The following PLAAT1 variants were observed in gnomAD, a reference collection of about 807,000 sequenced individuals.
PLAAT1 encodes the protein phospholipase A and acyltransferase 1, also known as H-REV107 protein-related protein.
Under a neutral mutation model 16.4 loss-of-function variants are expected in PLAAT1, and 13 were observed. That is an observed-to-expected ratio of 0.79 (90% CI 0.52 to 1.26). PLAAT1 has a LOEUF of 1.26. Among genes scored for constraint, PLAAT1 ranks in the 50% most tolerant of loss-of-function variants. PLAAT1 has a pLI of 0.00. For synonymous variants in PLAAT1, 73 were observed against 78.4 expected, an observed-to-expected ratio of 0.93 and a Z score of 0.36; for missense variants, 218 against 207.8, an observed-to-expected ratio of 1.05 and a Z score of -0.30.
chr3:193,254,490 C>A (rs1198738465), intron 1 of PLAAT1, among the ~76,000 whole-genome samples: 1 of 152,140 alleles, frequency 6.6e-6, no homozygotes, highest in Non-Finnish European at 1.5e-5. Context: ...TTTAAATCCT[C>A]CTTTGTTTGT....
downstream of PLAAT1, among the ~76,000 whole-genome samples, chr3:193,275,812 T>A (rs1172870119): frequency 1.3e-5 from 2 of 152,230 alleles, no homozygotes; most frequent in Non-Finnish European, 2.9e-5. Flanking sequence ...AAATTTTGCA[T>A]CCCAGTTTTA....
chr3:193,251,837 G>A (rs1388281730), intron 1 of PLAAT1, among the ~76,000 whole-genome samples: 1 of 152,118 alleles, frequency 6.6e-6, no homozygotes, highest in Non-Finnish European at 1.5e-5. Flanking sequence ...TGATCTGTGT[G>A]TAGGTGTTTC....
chr3:193,241,620 T>C (rs1715750775), intron 1 of PLAAT1, 87 bp downstream of exon 1: 1 of 968,046 alleles, frequency 1.0e-6, no homozygotes, highest in Non-Finnish European at 1.3e-6. Flanking sequence ...AAAGTTGACA[T>C]GACTAGAGAA....
chr3:193,249,546 A>T (rs1716115128), intron 1 of PLAAT1, among the ~76,000 whole-genome samples: 1 of 152,162 alleles, frequency 6.6e-6, no homozygotes, highest in Non-Finnish European at 1.5e-5. Flanking sequence ...AGGATCTATC[A>T]GTGACATTAA....
At chr3:193,243,656 G>A (rs970278524) in intron 1 of PLAAT1, among the ~76,000 whole-genome samples, 1 of 152,180 alleles carries the variant, frequency 6.6e-6, no homozygotes, top group Non-Finnish European at 1.5e-5. Context: ...CATGAACTCT[G>A]GAATAAGAAG....
downstream of PLAAT1, among the ~76,000 whole-genome samples, chr3:193,272,786 G>A (rs1434818411): frequency 1.3e-5 from 2 of 148,290 alleles, no homozygotes; most frequent in East Asian, 4.1e-4. Context: ...GGTAGTGTTT[G>A]AGGGTGTGGT....
chr3:193,253,458 T>G (rs754198922), intron 1 of PLAAT1, among the ~76,000 whole-genome samples: 4 of 152,206 alleles, frequency 2.6e-5, no homozygotes, highest in Non-Finnish European at 4.4e-5. Flanking sequence ...TCTCTTATCA[T>G]CCACCTGTCT....
chr3:193,241,453 G>T lies in PLAAT1; in HGVS notation c.-81G>T, dbSNP rs1715741366. ...CCCGCGGCCGCCGGCGGCAAGGTCG[G>T]CAGCTGCGAGGCCAAGAGAGACCCC... On this transcript the variant is annotated 5_prime_UTR_variant, in exon 1 of 4. Transcript: ENST00000264735. 1 of 1,231,878 alleles carries T rather than the reference G, an allele frequency of 8.1e-7. No homozygotes were observed. Among genetic ancestry groups the T allele is most frequent in the East Asian group, 3.2e-5 (1 of 31,702 alleles). 76.3% of individuals were successfully genotyped at this position (1,231,878 alleles called of 1,614,324 possible).
At chr3:193,275,227 T>C (rs1717136010), downstream of PLAAT1, 1 of 1,614,088 alleles carries the variant, frequency 6.2e-7, no homozygotes, top group African/African-American at 1.3e-5. Flanking sequence ...TGCCAAGTCC[T>C]ATATTGACTT....
In PLAAT1 at chr3:193,241,443, G is replaced by A. The variant is rs1308392356; in HGVS notation, c.-91G>A. 5.7e-6 allele frequency: 7 copies of A among 1,231,694 alleles called. No individual in the cohort carries two copies. The highest frequency in any genetic ancestry group is 8.4e-5 in the Admixed American group (2 of 23,700). The allele number at this position is 1,231,694 out of a possible 1,614,324, so 76.3% of individuals were successfully genotyped here. A position where few individuals can be genotyped will look rare whatever the true frequency, so the allele number is the denominator to read the frequency against. ...ATGGAGTCGTCCCGCGGCCGCCGGC[G>A]GCAAGGTCGGCAGCTGCGAGGCCAA... On this transcript the variant is annotated 5_prime_UTR_variant, in exon 1 of 4. Transcript: ENST00000264735.
intron 2 of PLAAT1, among the ~76,000 whole-genome samples, chr3:193,257,682 G>A (rs944758164): frequency 2.0e-5 from 3 of 152,176 alleles, no homozygotes; most frequent in Non-Finnish European, 4.4e-5. Flanking sequence ...TCCTGGGTGT[G>A]TCTGTGAGGG....
rs1326687122 is a variant in PLAAT1 at position 193,241,404 on chromosome 3, T to A, written c.-130T>A. 2 of 1,231,562 alleles carry A rather than the reference T, an allele frequency of 1.6e-6. No individual in the cohort carries two copies. The highest frequency in any genetic ancestry group is 1.6e-5 in the African/African-American group (1 of 64,388). 76.3% of individuals were successfully genotyped at this position (1,231,562 alleles called of 1,614,324 possible). ...ATGGCTGGCGCCTGCCTCCCGGGTG[T>A]CTCCCGGGTACAGATGGAGTCGTCC... On this transcript the variant is annotated 5_prime_UTR_variant, in exon 1 of 4. Transcript: ENST00000264735.
At chr3:193,255,468 T>A (rs987540118) in intron 1 of PLAAT1, among the ~76,000 whole-genome samples, 183 bp from the exon 2 acceptor site, 2 of 152,162 alleles carry the variant, frequency 1.3e-5, no homozygotes, top group African/African-American at 4.8e-5. Context: ...TCTCTACTTG[T>A]CCCCTTGTGC....
chr3:193,256,564 G>A (rs1716383066), intron 2 of PLAAT1, among the ~76,000 whole-genome samples: 1 of 152,120 alleles, frequency 6.6e-6, no homozygotes, highest in Non-Finnish European at 1.5e-5. Flanking sequence ...CAACTTTCTG[G>A]CCTAGGAATT....
chr3:193,240,615 G>T (rs1715676875), upstream of PLAAT1, among the ~76,000 whole-genome samples: 1 of 141,074 alleles, frequency 7.1e-6, no homozygotes, highest in South Asian at 2.6e-4. Context: ...CGGGGGAGGG[G>T]GGCGGGGCGG....
At chr3:193,246,039 T>A (rs1330409351) in intron 1 of PLAAT1, among the ~76,000 whole-genome samples, 1 of 152,234 alleles carries the variant, frequency 6.6e-6, no homozygotes, top group East Asian at 1.9e-4. Context: ...CCTATATGAA[T>A]GCCTTTTATT....
downstream of PLAAT1, among the ~76,000 whole-genome samples, chr3:193,280,751 G>T (rs1349922397): frequency 6.6e-6 from 1 of 152,000 alleles, no homozygotes; most frequent in Non-Finnish European, 1.5e-5. Flanking sequence ...TCACCTTCAG[G>T]CCCAAACAAC....
At chr3:193,270,510 G>C in intron 3 of PLAAT1, 94 bp from the exon 4 acceptor site, 1 of 1,048,012 alleles carries the variant, frequency 9.5e-7, no homozygotes. Context: ...ATTAAAACAG[G>C]TGTTCAGTTT....
intron 2 of PLAAT1, chr3:193,276,685 C>A: frequency 1.7e-6 from 2 of 1,146,972 alleles, no homozygotes; most frequent in Non-Finnish European, 1.3e-6. Flanking sequence ...AGAAAATAAG[C>A]ACCTGCTGAA....
Sources: gnomAD v4.1 joint callset for allele counts (sites outside exome capture counted in the v4.1 genomes callset) on GRCh38, gnomAD v4.1.1 for gene constraint, MANE v1.5 for transcripts, NCBI Gene and HGNC (gene_info 2026-07-23, HGNC 2026-07-21) for gene names.